LRRC31: variants seen among roughly 807,000 people sequenced by gnomAD.
The protein encoded by LRRC31 is leucine rich repeat containing 31, also known as leucine-rich repeat-containing protein 31.
Under a neutral mutation model 46.7 loss-of-function variants are expected in LRRC31, and 35 were observed. The ratio of observed to expected loss-of-function variants is 0.75; its 90% CI spans 0.57 to 0.99. The LOEUF (loss-of-function observed/expected upper bound fraction) is 0.99. Ranked by LOEUF, LRRC31 falls within the 50% of genes least tolerant of loss-of-function variation. LRRC31 has a pLI of 0.00. For synonymous variants in LRRC31, 236 were observed against 235.1 expected, an observed-to-expected ratio of 1.00 and a Z score of -0.03; for missense variants, 613 against 626.1, an observed-to-expected ratio of 0.98 and a Z score of 0.22.
In LRRC31 at chr3:169,865,249, CAA is replaced by C. The variant is rs11310742; in HGVS notation, c.176-3438_176-3437del. On this transcript the variant is annotated intron_variant, in intron 1 of 8. Coordinates refer to ENST00000316428, the MANE Select transcript of LRRC31 (RefSeq NM_024727.4). ...TGGGCGACAGAGTAAGGCTCTATCT[CAA>C]AAAAAAAAAAAAGAAAAATTATATG... 6.8e-3 allele frequency among the ~76,000 whole-genome samples: 904 copies of C among 133,712 alleles called. 9 individuals carry two copies. Among genetic ancestry groups the C allele is most frequent in the African/African-American group, 0.021 (792 of 38,452 alleles). 87.7% of individuals were successfully genotyped at this position (133,712 alleles called of 152,430 possible). A position where few individuals can be genotyped will look rare whatever the true frequency, so the allele number is the denominator to read the frequency against.
intron 5 of LRRC31, among the ~76,000 whole-genome samples, chr3:169,855,697 T>C (rs995914978): frequency 1.3e-5 from 2 of 152,166 alleles, no homozygotes; most frequent in African/African-American, 4.8e-5. Context: ...TACCTATTCC[T>C]TCCTACTACT....
chr3:169,853,123 G>T, intron 6 of LRRC31: 1 of 684,968 alleles, frequency 1.5e-6, no homozygotes, highest in South Asian at 6.6e-5. Flanking sequence ...GTATGCATCG[G>T]TTTACTCCTG....
At chr3:169,853,305 T>C in intron 6 of LRRC31, 1 of 985,180 alleles carries the variant, frequency 1.0e-6, no homozygotes, top group Non-Finnish European at 1.2e-6. Context: ...TTTAACAGCG[T>C]AAAGTACAAA....
chr3:169,869,664 G>T lies in LRRC31; in HGVS notation c.144C>A (p.Asp48Glu). 6.2e-7 allele frequency: 1 copy of T among 1,609,862 alleles called. No homozygotes were observed. The highest frequency in any genetic ancestry group is 8.5e-7 in the Non-Finnish European group (1 of 1,178,546). Residue 48 changes from aspartate to glutamate, a missense_variant, in exon 1 of 9, where the codon GAC becomes GAA. By Grantham distance (45) the Asp-to-Glu change is conservative. Transcript: ENST00000316428. The stretch of plus-strand genomic sequence containing the variant: ...CTGAGGTGGCTGTCTTCTGTATCCA[G>T]TCGCTGGGTTGGGAATCACTTGTTT... The part of the protein sequence containing the change: ...DLKTSDSQPS[D>E]WIQKTATSET...
chr3:169,849,067 T>C (rs1156825382), intron 7 of LRRC31, among the ~76,000 whole-genome samples: 1 of 152,240 alleles, frequency 6.6e-6, no homozygotes, highest in Non-Finnish European at 1.5e-5. Context: ...TTGGAAAGAT[T>C]TTTAAAGAAA....
intron 1 of LRRC31, among the ~76,000 whole-genome samples, chr3:169,864,061 T>G (rs1295404533): frequency 1.3e-5 from 2 of 152,044 alleles, no homozygotes; most frequent in South Asian, 2.1e-4. Context: ...TTCTCTGCAT[T>G]GCATCTTATT....
intron 1 of LRRC31, among the ~76,000 whole-genome samples, chr3:169,862,271 G>T (rs994943597): frequency 6.6e-6 from 1 of 152,192 alleles, no homozygotes; most frequent in Non-Finnish European, 1.5e-5. Flanking sequence ...ATGGCCACAC[G>T]GAGTAAGTGG....
At chr3:169,864,485 C>T (rs1781269612) in intron 1 of LRRC31, among the ~76,000 whole-genome samples, 1 of 152,192 alleles carries the variant, frequency 6.6e-6, no homozygotes, top group Non-Finnish European at 1.5e-5. Flanking sequence ...CTCTCTGAGC[C>T]TTGGTTTACT....
intron 1 of LRRC31, among the ~76,000 whole-genome samples, chr3:169,866,836 C>G (rs1010990027): frequency 1.3e-5 from 2 of 151,986 alleles, no homozygotes; most frequent in African/African-American, 4.8e-5. Context: ...GTGGCGGACA[C>G]CTGTAGTTCC....
chr3:169,853,867 T>A (rs559530125), intron 6 of LRRC31: 57 of 280,966 alleles, frequency 2.0e-4, no homozygotes, highest in African/African-American at 1.3e-3. Context: ...CATTCATTCA[T>A]TCATTCACAT....
At chr3:169,857,505 A>G (rs1781004091) in intron 3 of LRRC31, among the ~76,000 whole-genome samples, 1 of 150,298 alleles carries the variant, frequency 6.7e-6, no homozygotes, top group Admixed American at 6.7e-5. Context: ...CTAGAAGCTT[A>G]TAACAGCCGT....
Position 169,869,622 on chromosome 3 carries a change from C to G in LRRC31, c.175+11G>C. On this transcript the variant is annotated intron_variant, in intron 1 of 8. Coordinates refer to ENST00000316428, the MANE Select transcript of LRRC31 (RefSeq NM_024727.4). ...ATACAACAGCAAAAACACCAGCAGC[C>G]AGCAGCTTACCAGTCTCTGAGGTGG... The G allele has an allele frequency of 6.4e-7, 1 of 1,561,690 alleles. No homozygotes were observed. The highest frequency in any genetic ancestry group is 1.3e-5 in the South Asian group (1 of 78,752).
intron 6 of LRRC31, among the ~76,000 whole-genome samples, chr3:169,854,317 G>A (rs891344901): frequency 3.2e-4 from 48 of 152,172 alleles, no homozygotes; most frequent in African/African-American, 1.1e-3. Flanking sequence ...ATTACATGTT[G>A]TAATTACAGA....
Position 169,865,576 on chromosome 3 carries a change from G to A in LRRC31, c.176-3763C>T, listed in dbSNP as rs140646532. 6.6e-3 allele frequency among the ~76,000 whole-genome samples: 1,006 copies of A among 152,294 alleles called. 16 individuals are homozygous for A. Among genetic ancestry groups the A allele is most frequent in the African/African-American group, 0.023 (941 of 41,550 alleles). On this transcript the variant is annotated intron_variant, in intron 1 of 8. Transcript: ENST00000316428. Reference sequence around the variant, plus strand: ...ACACATTGGTAACATGGGTGGTACTGTACCAGGAACCAACATAACAAGTTC... The same window carrying A: ...ACACATTGGTAACATGGGTGGTACTATACCAGGAACCAACATAACAAGTTC...
At chr3:169,860,525 G>C in intron 3 of LRRC31, 36 bp downstream of exon 3, 1 of 1,610,812 alleles carries the variant, frequency 6.2e-7, no homozygotes, top group Non-Finnish European at 8.5e-7. Context: ...ACGGCGCCCG[G>C]CCGAATCCAT....
chr3:169,844,805 G>T (rs1236065062), intron 8 of LRRC31, among the ~76,000 whole-genome samples: 1 of 151,924 alleles, frequency 6.6e-6, no homozygotes, highest in Non-Finnish European at 1.5e-5. Flanking sequence ...GGTGGCACAT[G>T]CCTGTAGTCC....
intron 1 of LRRC31, 33 bp from the exon 2 acceptor site, chr3:169,861,846 T>C (rs1781176056): frequency 1.2e-6 from 2 of 1,604,000 alleles, no homozygotes; most frequent in Non-Finnish European, 8.5e-7. Context: ...AATTTGCTGT[T>C]AATGATGGAT....
chr3:169,856,625 A>G, intron 4 of LRRC31, 80 bp downstream of exon 4: 4 of 1,450,906 alleles, frequency 2.8e-6, no homozygotes, highest in Non-Finnish European at 3.7e-6. Flanking sequence ...TAAATTCAGA[A>G]TAAGACAAAA....
chr3:169,854,864 C>T lies in LRRC31; in HGVS notation c.940G>A (p.Val314Ile), dbSNP rs1464105773. The T allele has an allele frequency of 3.7e-6, 6 of 1,613,680 alleles. No homozygotes were observed. Among genetic ancestry groups the T allele is most frequent in the Non-Finnish European group, 5.1e-6 (6 of 1,179,830 alleles). Residue 314 changes from valine to isoleucine, a missense_variant, in exon 6 of 9, where the codon GTC (valine) becomes ATC (isoleucine). Coordinates refer to ENST00000316428, the MANE Select transcript of LRRC31 (RefSeq NM_024727.4). ...AQLVMLKHLQ[V>I]LDLHQCSLTA... ...AGTGAGCACTGGTGAAGATCTAGGACTTGTAGATGCTTTAGCATGACCAAC... is the reference window on the plus strand; with the variant it reads ...AGTGAGCACTGGTGAAGATCTAGGATTTGTAGATGCTTTAGCATGACCAAC...
Sources: allele counts gnomAD v4.1 joint callset (sites outside exome capture counted in the v4.1 genomes callset), GRCh38; gene constraint gnomAD v4.1.1; transcripts MANE v1.5; gene names NCBI Gene and HGNC (gene_info 2026-07-23, HGNC 2026-07-21).